Variants in ITGAM observed in about 807,000 individuals in gnomAD.
ITGAM encodes integrin alpha-M.
Under a neutral mutation model 137.5 loss-of-function variants are expected in ITGAM, and 79 were observed. The observed-to-expected ratio is 0.57, with a 90% CI of 0.48 to 0.69. The LOEUF (loss-of-function observed/expected upper bound fraction) is 0.69. Ranked by LOEUF, ITGAM falls within the 30% of genes least tolerant of loss-of-function variation. The pLI, the probability that ITGAM is intolerant of heterozygous loss-of-function variation, is 0.00. For synonymous variants in ITGAM, 583 were observed against 592.3 expected (o/e 0.98, Z 0.23); for missense variants, 1,343 against 1,483.5 (o/e 0.91, Z 1.56).
chr16:31,273,483 G>A lies in ITGAM; in HGVS notation c.823G>A (p.Ala275Thr), dbSNP rs758114270. The A allele has an allele frequency of 1.2e-6, 2 of 1,613,648 alleles. No individual in the cohort carries two copies. Among genetic ancestry groups the A allele is most frequent in the Admixed American group, 3.3e-5 (2 of 59,978 alleles). The change falls in exon 8 of 30, where the codon GCA becomes ACA. Residue 275 changes from alanine to threonine, a missense_variant. Transcript: ENST00000544665. ...PLGYEDVIPEADREGVIRYVI... is the reference protein window; with the variant it reads ...PLGYEDVIPETDREGVIRYVI... ...GGGATATGAGGATGTCATCCCTGAGGCAGACAGAGAGGGAGTCATTCGCTA... is the reference window on the plus strand; with the variant it reads ...GGGATATGAGGATGTCATCCCTGAGACAGACAGAGAGGGAGTCATTCGCTA...
At chr16:31,277,907 G>C in intron 11 of ITGAM, 60 bp from the exon 12 acceptor site, 1 of 1,526,454 alleles carries the variant, frequency 6.6e-7, no homozygotes, top group Non-Finnish European at 8.8e-7. Context: ...CAAGGGGTGG[G>C]TCTGCATGGT....
At chr16:31,288,227 G>A (rs1161054729) in intron 12 of ITGAM, among the ~76,000 whole-genome samples, 4 of 152,156 alleles carry the variant, frequency 2.6e-5, no homozygotes, top group Non-Finnish European at 4.4e-5. Context: ...GGAAAGAAGG[G>A]TAGGTGTGGC....
In ITGAM at chr16:31,326,973, G is replaced by A. The variant is rs557765166; in HGVS notation, c.2708+38G>A. ...ACCAGGCTTCTGCAGGCAGTTGCCC[G>A]TCTGACGCCCCAGCCCCTGGCCCAT... On this transcript the variant is annotated intron_variant, in intron 22 of 29. Coordinates refer to ENST00000544665, the MANE Select transcript of ITGAM (RefSeq NM_000632.4). The A allele has an allele frequency of 8.1e-6, 12 of 1,472,632 alleles. No homozygotes were observed. In the East Asian group the frequency reaches 1.1e-4, roughly 14 times the overall value. The allele number at this position is 1,472,632 out of a possible 1,614,324, so 91.2% of individuals were successfully genotyped here.
chr16:31,284,505 G>A (rs1169486156), intron 12 of ITGAM, among the ~76,000 whole-genome samples: 1 of 152,164 alleles, frequency 6.6e-6, no homozygotes, highest in East Asian at 1.9e-4. Context: ...AAGGCTCCAT[G>A]GGCGTGGGAC....
rs1341177548 is a variant in ITGAM at position 31,276,859 on chromosome 16, G to A, written c.1084-61G>A. The A allele has an allele frequency of 7.5e-6, 12 of 1,593,276 alleles. No individual in the cohort carries two copies. In the Admixed American group the frequency reaches 2.1e-4, roughly 27 times the overall value. ...TGATAGATACTTGGGAAGTAGCTCT[G>A]TGAGGGGCAGCGGTTGTCCCTTCTT... On this transcript the variant is annotated intron_variant, in intron 10 of 29. Transcript: ENST00000544665.
intron 14 of ITGAM, among the ~76,000 whole-genome samples, chr16:31,320,782 A>G (rs987728184): frequency 2.6e-5 from 4 of 152,186 alleles, no homozygotes; most frequent in African/African-American, 4.8e-5. Flanking sequence ...TTAGATCAAC[A>G]TTCAGTGTTT....
chr16:31,329,427 CGCT>C, intron 24 of ITGAM, 124 bp downstream of exon 24: 1 of 741,058 alleles, frequency 1.3e-6, no homozygotes, highest in Admixed American at 2.1e-5. Flanking sequence ...CTTGGTTCCA[CGCT>C]GCTATCACTC....
intron 12 of ITGAM, among the ~76,000 whole-genome samples, chr16:31,292,957 C>G (rs774450791): frequency 3.9e-5 from 6 of 152,150 alleles, no homozygotes; most frequent in Non-Finnish European, 7.4e-5. Flanking sequence ...GCCATTCTAA[C>G]TGGTGTGAGA....
chr16:31,293,103 G>A (rs1057185139), intron 12 of ITGAM, among the ~76,000 whole-genome samples: 19 of 151,874 alleles, frequency 1.3e-4, no homozygotes, highest in Admixed American at 4.6e-4. Flanking sequence ...TTTTAATGGC[G>A]TTGTTTTTCT....
intron 23 of ITGAM, chr16:31,328,957 C>T (rs546539137): frequency 1.0e-3 from 562 of 552,442 alleles, no homozygotes; most frequent in African/African-American, 9.5e-3. Context: ...TGTATTTGTG[C>T]GTGTGTGTGT....
intron 2 of ITGAM, among the ~76,000 whole-genome samples, chr16:31,263,312 A>G (rs747202781): frequency 3.9e-5 from 6 of 152,222 alleles, no homozygotes; most frequent in Non-Finnish European, 7.3e-5. Context: ...CTTTTGCTCT[A>G]TGAACAATGC....
At chr16:31,274,015 T>C (rs941719706) in intron 8 of ITGAM, among the ~76,000 whole-genome samples, 2 of 152,252 alleles carry the variant, frequency 1.3e-5, no homozygotes, top group Admixed American at 6.5e-5. Flanking sequence ...CTCTGCATCA[T>C]GTTTGATAAC....
chr16:31,309,705 C>G (rs1012992859), intron 14 of ITGAM, among the ~76,000 whole-genome samples: 4 of 152,194 alleles, frequency 2.6e-5, no homozygotes, highest in East Asian at 3.9e-4. Flanking sequence ...ATGATGTTAG[C>G]TGGTTATTTT....
At chr16:31,262,434 G>T (rs570842492) in intron 2 of ITGAM, among the ~76,000 whole-genome samples, 8 of 138,312 alleles carry the variant, frequency 5.8e-5, no homozygotes, top group Non-Finnish European at 1.1e-4. Context: ...ACATGGTCTT[G>T]TTCTGTCATT....
chr16:31,303,360 T>C (rs1200169724), intron 14 of ITGAM, among the ~76,000 whole-genome samples: 2 of 152,208 alleles, frequency 1.3e-5, no homozygotes, highest in Non-Finnish European at 1.5e-5. Flanking sequence ...CAGTAATTTA[T>C]ATAGCTTTTC....
At chr16:31,267,003 G>T (rs2079776882) in intron 5 of ITGAM, among the ~76,000 whole-genome samples, 1 of 152,052 alleles carries the variant, frequency 6.6e-6, no homozygotes, top group African/African-American at 2.4e-5. Context: ...AAGTAGCTGG[G>T]ATTACAGGTG....
At chr16:31,317,648 A>G (rs1032443950) in intron 14 of ITGAM, among the ~76,000 whole-genome samples, 7 of 152,124 alleles carry the variant, frequency 4.6e-5, no homozygotes, top group Admixed American at 2.0e-4. Context: ...GTTTTATTAA[A>G]TGCTTTCTTT....
intron 14 of ITGAM, among the ~76,000 whole-genome samples, chr16:31,299,511 G>C (rs759437721): frequency 6.6e-6 from 1 of 151,998 alleles, no homozygotes. Flanking sequence ...GTTTTGCCAT[G>C]TTGTCCAGGC....
At chr16:31,299,332 A>C (rs1332602187) in intron 14 of ITGAM, among the ~76,000 whole-genome samples, 2 of 151,994 alleles carry the variant, frequency 1.3e-5, no homozygotes, top group Non-Finnish European at 2.9e-5. Flanking sequence ...TTTTTGAGAC[A>C]AAAGTTTCAG....
Sources: allele counts gnomAD v4.1 joint callset (sites outside exome capture counted in the v4.1 genomes callset), GRCh38; gene constraint gnomAD v4.1.1; transcripts MANE v1.5; gene names NCBI Gene and HGNC (gene_info 2026-07-23, HGNC 2026-07-21).